Variants in NRG1 observed in about 807,000 individuals in gnomAD.
NRG1 encodes neuregulin 1.
In NRG1, 18 loss-of-function variants were observed where a neutral mutation model predicts 63.8. The observed-to-expected ratio is 0.28, with a 90% confidence interval of 0.19 to 0.42. The LOEUF (loss-of-function observed/expected upper bound fraction) is 0.42, where lower values mean the gene tolerates loss of function less well. NRG1 is among the 10% of genes least tolerant of loss of function. The probability of loss-of-function intolerance (pLI) is 1.00; values close to 1 mark genes in which losing one functional copy is unlikely to be tolerated. For missense variants in NRG1, 762 were observed against 814.7 expected (o/e 0.94, Z 0.79); for synonymous variants, 302 against 301.3 (o/e 1.00, Z -0.02).
In NRG1 at chr8:32,330,644, A is replaced by G. The variant is rs540696353; in HGVS notation, c.38-265184A>G. Among the ~76,000 whole-genome samples the G allele has an allele frequency of 2.2e-3, 342 of 152,280 alleles. 2 individuals carry two copies. The highest frequency in any genetic ancestry group is 8.0e-3 in the African/African-American group (332 of 41,558). On this transcript the variant is annotated intron_variant, in intron 1 of 10. Coordinates refer to the NRG1 transcript ENST00000519301. Reference sequence around the variant, plus strand: ...CAGTCATTGGGGTTGACCCCAGGAAAAGGTATGGTTTGGGGTAAGAGGACT... The same window carrying G: ...CAGTCATTGGGGTTGACCCCAGGAAGAGGTATGGTTTGGGGTAAGAGGACT...
At chr8:32,363,627 G>T (rs1313295471) in intron 1 of NRG1, among the ~76,000 whole-genome samples, 1 of 152,004 alleles carries the variant, frequency 6.6e-6, no homozygotes, top group African/African-American at 2.4e-5. Flanking sequence ...GATCAAAAGG[G>T]TCTCCCTCTC....
At chr8:31,732,406 C>T (rs192169562) in intron 1 of NRG1, among the ~76,000 whole-genome samples, 185 of 152,126 alleles carry the variant, frequency 1.2e-3, no homozygotes, top group East Asian at 3.5e-3. Flanking sequence ...GTCCAGTAGC[C>T]GCCCCCACAC....
intron 1 of NRG1, among the ~76,000 whole-genome samples, chr8:31,857,384 G>C (rs143818873): frequency 6.6e-6 from 1 of 152,212 alleles, no homozygotes; most frequent in Non-Finnish European, 1.5e-5. Context: ...TCCAGGTGCC[G>C]TCTGTCACCC....
chr8:32,520,916 A>G (rs1323407753), intron 1 of NRG1, among the ~76,000 whole-genome samples: 2 of 152,230 alleles, frequency 1.3e-5, no homozygotes, highest in Non-Finnish European at 2.9e-5. Context: ...CTTAGTAACC[A>G]TCTTGATGAT....
At chr8:31,703,453 A>G (rs1481214225) in intron 1 of NRG1, among the ~76,000 whole-genome samples, 1 of 152,174 alleles carries the variant, frequency 6.6e-6, no homozygotes, top group Non-Finnish European at 1.5e-5. Flanking sequence ...TCAAGGAAAT[A>G]CATTTGTTTT....
intron 1 of NRG1, among the ~76,000 whole-genome samples, chr8:31,844,826 A>G (rs1826527611): frequency 1.3e-5 from 2 of 151,920 alleles, no homozygotes; most frequent in Middle Eastern, 3.4e-3. Context: ...AAGGGAATTA[A>G]AAAAAAATGA....
At chr8:32,158,124 C>G (rs1296956126) in intron 1 of NRG1, among the ~76,000 whole-genome samples, 1 of 151,954 alleles carries the variant, frequency 6.6e-6, no homozygotes, top group Non-Finnish European at 1.5e-5. Flanking sequence ...CCTGCTCCCT[C>G]CCTGCCTGGC....
At chr8:32,232,728 A>T (rs916669691) in intron 1 of NRG1, among the ~76,000 whole-genome samples, 2 of 152,146 alleles carry the variant, frequency 1.3e-5, no homozygotes, top group Admixed American at 6.5e-5. Flanking sequence ...TCATAGGAAA[A>T]TGGCCATTTC....
intron 1 of NRG1, among the ~76,000 whole-genome samples, chr8:32,312,153 G>GTTTTTTTTTT (rs767575805): frequency 7.1e-5 from 7 of 98,204 alleles, no homozygotes; most frequent in Admixed American, 1.2e-4. Flanking sequence ...ATTTGACCTT[G>GTTTTTTTTTT]TTTGTTTTTT....
intron 1 of NRG1, among the ~76,000 whole-genome samples, chr8:32,128,722 C>CT (rs774851469): frequency 3.3e-5 from 5 of 151,852 alleles, no homozygotes; most frequent in African/African-American, 1.2e-4. Context: ...ATATCAACCT[C>CT]TTTTTTAAAA....
At chr8:32,072,974 C>G (rs761900080) in intron 1 of NRG1, among the ~76,000 whole-genome samples, 2 of 150,254 alleles carry the variant, frequency 1.3e-5, no homozygotes, top group Non-Finnish European at 3.0e-5. Context: ...AAACCAGCTT[C>G]GGTCCTAAAT....
At chr8:32,062,355 AT>A (rs1824027444) in intron 1 of NRG1, among the ~76,000 whole-genome samples, 2 of 151,944 alleles carry the variant, frequency 1.3e-5, no homozygotes, top group African/African-American at 4.8e-5. Context: ...GATCTCCTGG[AT>A]TTTGAAAAGT....
chr8:32,299,057 T>G (rs373966399), intron 1 of NRG1, among the ~76,000 whole-genome samples: 11 of 115,446 alleles, frequency 9.5e-5, no homozygotes, highest in African/African-American at 2.4e-4. Context: ...AAGAAAGAAA[T>G]AAAAAGCAAA....
At chr8:31,829,978 T>C (rs998390034) in intron 1 of NRG1, among the ~76,000 whole-genome samples, 15 of 152,344 alleles carry the variant, frequency 9.8e-5, no homozygotes, top group African/African-American at 3.6e-4. Flanking sequence ...AATACATGAA[T>C]GGTGGGGCAT....
In NRG1 at chr8:31,870,112, A is replaced by C. The variant is rs1358699535; in HGVS notation, c.37+230681A>C. Among the ~76,000 whole-genome samples the C allele has an allele frequency of 2.6e-5, 4 of 152,308 alleles. No homozygotes were observed. The East Asian group carries it at 5.8e-4, about 22-fold the overall frequency. On this transcript the variant is annotated intron_variant, in intron 1 of 10. Coordinates refer to the NRG1 transcript ENST00000519301. ...TTTTCTTTAAGTTATTGAAGAAGGC[A>C]TGGGATTATCTTCTGGTTGCTAGTC... is the stretch of plus-strand genomic sequence containing the variant.
At chr8:32,626,842 G>A (rs148026667) in intron 5 of NRG1, among the ~76,000 whole-genome samples, 10,160 of 151,762 alleles carry the variant, frequency 0.067, 1,074 homozygotes, top group East Asian at 0.51. Flanking sequence ...CCGACATGGT[G>A]AAACCCTGTC....
Position 32,262,032 on chromosome 8 carries a change from A to G in NRG1, c.38-333796A>G, listed in dbSNP as rs1040803271. Among the ~76,000 whole-genome samples the G allele has an allele frequency of 3.3e-5, 5 of 152,306 alleles. 1 individual carries two copies. Among genetic ancestry groups the G allele is most frequent in the Admixed American group, 2.6e-4 (4 of 15,286 alleles). On this transcript the variant is annotated intron_variant, in intron 1 of 10. Transcript: ENST00000519301. ...TGCCACTTAAAGACTCAAGAAACTT[A>G]CATAACCTTTTTGTAATTGTTCTCT...
intron 1 of NRG1, among the ~76,000 whole-genome samples, chr8:32,470,845 G>A (rs1823756380): frequency 6.6e-6 from 1 of 151,886 alleles, no homozygotes; most frequent in South Asian, 2.1e-4. Context: ...CTGTAACCCA[G>A]TGGGGAAAGT....
chr8:32,018,241 C>G (rs1815877171), intron 1 of NRG1, among the ~76,000 whole-genome samples: 1 of 152,122 alleles, frequency 6.6e-6, no homozygotes, highest in Non-Finnish European at 1.5e-5. Flanking sequence ...ATACTTCTGT[C>G]TAATGTAATT....
Sources: gnomAD v4.1 joint callset for allele counts (sites outside exome capture counted in the v4.1 genomes callset) on GRCh38, gnomAD v4.1.1 for gene constraint, MANE v1.5 for transcripts, NCBI Gene and HGNC (gene_info 2026-07-23, HGNC 2026-07-21) for gene names.